Variants in CDH12 observed in about 807,000 individuals in gnomAD.
CDH12 encodes cadherin-12.
Under a neutral mutation model 74.1 loss-of-function variants are expected in CDH12, and 41 were observed. The ratio of observed to expected loss-of-function variants is 0.55; its 90% CI spans 0.43 to 0.72. The LOEUF is 0.72. CDH12 is among the 30% of genes least tolerant of loss of function. The probability of loss-of-function intolerance (pLI) is 0.00; values close to 1 mark genes in which losing one functional copy is unlikely to be tolerated. For missense variants in CDH12, 945 were observed against 977.2 expected, an observed-to-expected ratio of 0.97 and a Z score of 0.44; for synonymous variants, 399 against 355.0, an observed-to-expected ratio of 1.12 and a Z score of -1.39.
chr5:21,925,104 A>G (rs1448987157), intron 6 of CDH12, among the ~76,000 whole-genome samples: 2 of 152,228 alleles, frequency 1.3e-5, no homozygotes, highest in African/African-American at 2.4e-5. Flanking sequence ...CAGCGTTACT[A>G]CAGCAGCAAA....
intron 4 of CDH12, among the ~76,000 whole-genome samples, chr5:22,155,593 T>G (rs1444059899): frequency 2.8e-4 from 42 of 152,176 alleles, no homozygotes; most frequent in Non-Finnish European, 7.3e-5. Flanking sequence ...ATTTATTATG[T>G]GCAGACTTTG....
rs1215200586 is a variant in CDH12, at chr5:22,456,115, AT to A, written c.-428+49154del. 3.1e-3 allele frequency among the ~76,000 whole-genome samples: 129 copies of A among 42,236 alleles called. No individual in the cohort carries two copies. In the South Asian group the frequency reaches 0.06, roughly 20 times the overall value. The allele number at this position is 42,236 out of a possible 152,430, so 27.7% of individuals were successfully genotyped here. On this transcript the variant is annotated intron_variant, in intron 2 of 14. Transcript: ENST00000382254. Reference sequence around the variant, plus strand: ...TTTCTGCCATGTGGATATTATATATATATATATATATATATATATAAAACGA... The same window carrying A: ...TTTCTGCCATGTGGATATTATATATAATATATATATATATATATAAAACGA...
intron 1 of CDH12, among the ~76,000 whole-genome samples, chr5:22,629,555 C>T (rs907843545): frequency 2.0e-5 from 3 of 152,006 alleles, no homozygotes; most frequent in Non-Finnish European, 2.9e-5. Flanking sequence ...TGATAAGATT[C>T]GACATACCTT....
chr5:22,052,789 A>T (rs1453150156), intron 5 of CDH12, among the ~76,000 whole-genome samples: 1 of 152,066 alleles, frequency 6.6e-6, no homozygotes, highest in Non-Finnish European at 1.5e-5. Flanking sequence ...TTCCTGGATC[A>T]TGGTAATTGG....
intron 4 of CDH12, among the ~76,000 whole-genome samples, chr5:22,162,383 C>T (rs1006865118): frequency 1.3e-5 from 2 of 152,158 alleles, no homozygotes; most frequent in Admixed American, 6.5e-5. Context: ...TTACTTGGAT[C>T]CTGGAGTCTG....
chr5:22,233,220 A>T (rs1211277548), intron 3 of CDH12, among the ~76,000 whole-genome samples: 1 of 152,012 alleles, frequency 6.6e-6, no homozygotes, highest in Non-Finnish European at 1.5e-5. Flanking sequence ...GTTGATCTAT[A>T]GATCAATTTA....
intron 2 of CDH12, among the ~76,000 whole-genome samples, chr5:22,439,793 A>T (rs1744550910): frequency 1.3e-5 from 2 of 152,104 alleles, no homozygotes; most frequent in South Asian, 2.1e-4. Context: ...AAAGAATCTG[A>T]TAAGTTCTTA....
At chr5:21,802,466 T>A in intron 9 of CDH12, 46 bp from the exon 10 acceptor site, 1 of 1,504,538 alleles carries the variant, frequency 6.6e-7, no homozygotes, top group Non-Finnish European at 9.2e-7. Context: ...TTATATAGAA[T>A]GTGGCAGAAA....
chr5:21,758,659 T>C (rs943770349), intron 13 of CDH12, among the ~76,000 whole-genome samples: 3 of 152,194 alleles, frequency 2.0e-5, no homozygotes, highest in Admixed American at 6.5e-5. Flanking sequence ...TCCAGTGTCC[T>C]TTATATTTTT....
At chr5:22,169,751 T>G (rs1230525516) in intron 4 of CDH12, among the ~76,000 whole-genome samples, 1 of 151,970 alleles carries the variant, frequency 6.6e-6, no homozygotes, top group East Asian at 1.9e-4. Flanking sequence ...TCTCATTGTA[T>G]TCTCTGTGTC....
intron 6 of CDH12, among the ~76,000 whole-genome samples, chr5:21,969,557 C>T (rs1279364541): frequency 5.3e-5 from 8 of 151,836 alleles, no homozygotes; most frequent in African/African-American, 1.9e-4. Context: ...GTGAGGTCCA[C>T]GTAGCAAAGA....
intron 2 of CDH12, among the ~76,000 whole-genome samples, chr5:22,470,800 T>C (rs1475989539): frequency 3.3e-5 from 5 of 151,946 alleles, no homozygotes; most frequent in African/African-American, 1.2e-4. Flanking sequence ...ATTAAAGCTT[T>C]TCAGTGTAGG....
chr5:21,846,385 T>C (rs1750168452), intron 7 of CDH12, among the ~76,000 whole-genome samples: 1 of 151,266 alleles, frequency 6.6e-6, no homozygotes, highest in African/African-American at 2.4e-5. Context: ...CCTGTGTGTC[T>C]GCATCCTTGA....
intron 9 of CDH12, among the ~76,000 whole-genome samples, chr5:21,816,537 A>G (rs1480627173): frequency 2.0e-5 from 3 of 146,676 alleles, no homozygotes; most frequent in Non-Finnish European, 4.5e-5. Context: ...AGGCAGGAGA[A>G]TCCCTTGAAA....
At chr5:21,852,040 G>T (rs2149997833) in intron 7 of CDH12, among the ~76,000 whole-genome samples, 1 of 151,404 alleles carries the variant, frequency 6.6e-6, no homozygotes. Flanking sequence ...AATCATAAAG[G>T]GAAGCTATAT....
At chr5:22,204,255 G>A (rs1468323695) in intron 4 of CDH12, among the ~76,000 whole-genome samples, 3 of 151,270 alleles carry the variant, frequency 2.0e-5, no homozygotes, top group African/African-American at 4.8e-5. Context: ...TCCGCCTCGG[G>A]GTTCACGCCA....
chr5:22,048,537 T>G (rs1472871932), intron 5 of CDH12, among the ~76,000 whole-genome samples: 1 of 152,068 alleles, frequency 6.6e-6, no homozygotes, highest in Non-Finnish European at 1.5e-5. Flanking sequence ...TCATATTGAA[T>G]GGCGGGGAAA....
intron 8 of CDH12, among the ~76,000 whole-genome samples, chr5:21,830,652 C>T (rs1748964221): frequency 6.6e-6 from 1 of 152,058 alleles, no homozygotes; most frequent in African/African-American, 2.4e-5. Context: ...TAGTCAGGCC[C>T]CAGTGAGTAA....
chr5:22,656,843 A>T (rs764695989), intron 1 of CDH12, among the ~76,000 whole-genome samples: 1 of 152,116 alleles, frequency 6.6e-6, no homozygotes, highest in African/African-American at 2.4e-5. Flanking sequence ...TGTGTTGGAG[A>T]GAGAGAAAGA....
Sources: allele counts gnomAD v4.1 joint callset (sites outside exome capture counted in the v4.1 genomes callset), GRCh38; gene constraint gnomAD v4.1.1; transcripts MANE v1.5; gene names NCBI Gene and HGNC (gene_info 2026-07-23, HGNC 2026-07-21).